ALKAL2: variants seen among roughly 807,000 people sequenced by gnomAD.
ALKAL2 encodes AUG-alpha.
A neutral mutation model predicts 18.5 loss-of-function variants in ALKAL2; 8 were observed. The observed-to-expected ratio is 0.43, with a 90% CI of 0.25 to 0.78. ALKAL2 has a LOEUF of 0.78. ALKAL2 is among the 30% of genes least tolerant of loss of function. ALKAL2 has a pLI of 0.22. For missense variants in ALKAL2, 241 were observed against 211.2 expected, an observed-to-expected ratio of 1.14 and a Z score of -0.88; for synonymous variants, 135 against 95.8, an observed-to-expected ratio of 1.41 and a Z score of -2.39.
At chr2:286,260 G>A (rs1558269463) in intron 3 of ALKAL2, 30 bp downstream of exon 3, 3 of 1,611,120 alleles carry the variant, frequency 1.9e-6, no homozygotes, top group African/African-American at 1.3e-5. Flanking sequence ...AGGAGCTCTG[G>A]GAGACGTGAG....
chr2:286,200 G>A lies in ALKAL2; in HGVS notation c.311C>T (p.Pro104Leu), dbSNP rs1330978933. 1.2e-6 allele frequency: 2 copies of A among 1,613,696 alleles called. No homozygotes were observed. Among genetic ancestry groups the A allele is most frequent in the African/African-American group, 2.7e-5 (2 of 74,914 alleles). The change falls in exon 4 of 6, where the codon CCT (proline) becomes CTT (leucine). Residue 104 changes from proline to leucine, a missense_variant. Pro to Leu is a moderately conservative substitution (Grantham distance 98). Coordinates refer to ENST00000403610, the MANE Select transcript of ALKAL2 (RefSeq NM_001002919.3). Reference protein sequence around the residue: ...KDKFLKHLTGPLYFSPKCSKH... With the variant: ...KDKFLKHLTGLLYFSPKCSKH... ...GCTGCACTTTGGACTAAAATAAAGA[G>A]GGCCTGGAACACGGAAGAAGAAACA...
intron 2 of ALKAL2, 92 bp downstream of exon 2, chr2:287,491 T>A: frequency 2.7e-6 from 2 of 739,646 alleles, no homozygotes; most frequent in Non-Finnish European, 3.8e-6. Flanking sequence ...TGTTCAGTGG[T>A]CAAAATTGAT....
At chr2:285,548 T>C (rs949401847) in intron 4 of ALKAL2, among the ~76,000 whole-genome samples, 19 of 152,158 alleles carry the variant, frequency 1.2e-4, no homozygotes, top group African/African-American at 4.3e-4. Flanking sequence ...TGTTTTGTTA[T>C]GAATAAATAG....
rs1014030063 is a variant in ALKAL2 at position 286,562 on chromosome 2, G to A, written c.254-219C>T. The A allele has an allele frequency of 3.6e-5, 18 of 502,040 alleles. No homozygotes were observed. The South Asian group carries it at 6.0e-4, about 17-fold the overall frequency. The allele number at this position is 502,040 out of a possible 1,614,324, so 31.1% of individuals were successfully genotyped here. A position where few individuals can be genotyped will look rare whatever the true frequency, so the allele number is the denominator to read the frequency against. Reference sequence around the variant, plus strand: ...TGAAATAACAGTAACTGCTCCTGAAGCTCCAGGATTATGTCGGCTGTCTAC... The same window carrying A: ...TGAAATAACAGTAACTGCTCCTGAAACTCCAGGATTATGTCGGCTGTCTAC... On this transcript the variant is annotated intron_variant, in intron 2 of 5. Coordinates refer to ENST00000403610, the MANE Select transcript of ALKAL2 (RefSeq NM_001002919.3).
At position 286,426 on chromosome 2, in the gene ALKAL2, T is replaced by C. The variant is rs373898213; in HGVS notation, c.254-83A>G. On this transcript the variant is annotated intron_variant, in intron 2 of 5. Transcript: ENST00000403610. ...GATCTTAAGTGAATGTTGAAGAAAA[T>C]TGGAGCTCCATATTAGCCAAGTTGC... 126 of 1,108,384 alleles carry C rather than the reference T, an allele frequency of 1.1e-4. 1 individual carries two copies. The East Asian group carries it at 1.6e-3, about 14-fold the overall frequency. 68.7% of individuals were successfully genotyped at this position (1,108,384 alleles called of 1,614,324 possible). A position where few individuals can be genotyped will look rare whatever the true frequency, so the allele number is the denominator to read the frequency against.
rs1160233296 is a variant in ALKAL2, at chr2:283,141, C to T, written c.423G>A (p.Leu141=). Residue 141 remains leucine, a synonymous_variant, in exon 5 of 6, where the codon CTG becomes CTA. Transcript: ENST00000403610. ...YKRCARLLTR[L]AVSPVCMEDK... ...CCTCCATGCACACTGGACTGACAGCCAGCCGGGTAAGAAGCCTGGCGCATC... is the reference window on the plus strand; with the variant it reads ...CCTCCATGCACACTGGACTGACAGCTAGCCGGGTAAGAAGCCTGGCGCATC... 1.2e-6 allele frequency: 2 copies of T among 1,613,218 alleles called. No homozygotes were observed. The highest frequency in any genetic ancestry group is 8.5e-7 in the Non-Finnish European group (1 of 1,179,646).
Position 283,136 on chromosome 2 carries a change from A to T in ALKAL2, c.428T>A (p.Val143Asp), listed in dbSNP as rs767220052. 15 of 1,613,166 alleles carry T rather than the reference A, an allele frequency of 9.3e-6. No individual in the cohort carries two copies. Among genetic ancestry groups the T allele is most frequent in the Non-Finnish European group, 1.3e-5 (15 of 1,179,616 alleles). Reference protein sequence around the residue: ...RCARLLTRLAVSPVCMEDKQ With the variant: ...RCARLLTRLADSPVCMEDKQ ...CTTATCCTCCATGCACACTGGACTG[A>T]CAGCCAGCCGGGTAAGAAGCCTGGC... is the stretch of plus-strand genomic sequence containing the variant. Residue 143 changes from valine to aspartate, a missense_variant, in exon 5 of 6, where the codon GTC becomes GAC. Coordinates refer to ENST00000403610, the MANE Select transcript of ALKAL2 (RefSeq NM_001002919.3).
rs758606109 is a variant in ALKAL2 at position 287,769 on chromosome 2, G to T, written c.67C>A (p.Arg23=). ...LLVLGAAGRG[R]GGAEPREPAD... ...GGCTCCCGGGGCTCCGCGCCCCCCC[G>T]GCCGCGCCCCGCCGCCCCCAGCACC... The change falls in exon 2 of 6, where the codon CGG becomes AGG. Residue 23 remains arginine, a synonymous_variant. Transcript: ENST00000403610. 15 of 1,422,528 alleles carry T rather than the reference G, an allele frequency of 1.1e-5. No homozygotes were observed. The South Asian group carries it at 1.8e-4, about 17-fold the overall frequency. 88.1% of individuals were successfully genotyped at this position (1,422,528 alleles called of 1,614,324 possible).
At position 287,695 on chromosome 2, in the gene ALKAL2, C is replaced by G; in HGVS notation, c.141G>C (p.Glu47Asp). Reference sequence around the variant, plus strand: ...GCTCCGCCGAGTGGTGCTTCCGCAGCTCCTGGACGAGTTCCACCACCAGCC... The same window carrying G: ...GCTCCGCCGAGTGGTGCTTCCGCAGGTCCTGGACGAGTTCCACCACCAGCC... The part of the protein sequence containing the change: ...LLRLVVELVQ[E>D]LRKHHSAEHK... The change falls in exon 2 of 6, where the codon GAG becomes GAC. Residue 47 changes from glutamate to aspartate, a missense_variant. By Grantham distance (45) the Glu-to-Asp change is conservative. Coordinates refer to ENST00000403610, the MANE Select transcript of ALKAL2 (RefSeq NM_001002919.3). 1 of 1,479,888 alleles carries G rather than the reference C, an allele frequency of 6.8e-7. No homozygotes were observed. Among genetic ancestry groups the G allele is most frequent in the Non-Finnish European group, 8.9e-7 (1 of 1,121,570 alleles). 91.7% of individuals were successfully genotyped at this position (1,479,888 alleles called of 1,614,324 possible). A position where few individuals can be genotyped will look rare whatever the true frequency, so the allele number is the denominator to read the frequency against.
chr2:285,471 G>A (rs17714252), intron 4 of ALKAL2, among the ~76,000 whole-genome samples: 46,869 of 151,936 alleles, frequency 0.31, 7,391 homozygotes, highest in Non-Finnish European at 0.34. Context: ...AATGGGTTAG[G>A]GCCCTATCAC....
In ALKAL2 at chr2:288,027, AG is replaced by A; in HGVS notation, c.-73del. The A allele has an allele frequency of 8.2e-7, 1 of 1,222,326 alleles. No homozygotes were observed. 75.7% of individuals were successfully genotyped at this position (1,222,326 alleles called of 1,614,324 possible). On this transcript the variant is annotated 5_prime_UTR_variant, in exon 1 of 6. Coordinates refer to ENST00000403610, the MANE Select transcript of ALKAL2 (RefSeq NM_001002919.3). Reference sequence around the variant, plus strand: ...CGGCCCCTCACCTCCGCGGACCCCGAGGAACAAGCCGGCAGGTGAGGGAGCC... The same window carrying A: ...CGGCCCCTCACCTCCGCGGACCCCGAGAACAAGCCGGCAGGTGAGGGAGCC...
Position 279,865 on chromosome 2 carries a change from A to G in ALKAL2, c.*282T>C, listed in dbSNP as rs1006202900. On this transcript the variant is annotated 3_prime_UTR_variant, in exon 6 of 6. Coordinates refer to ENST00000403610, the MANE Select transcript of ALKAL2 (RefSeq NM_001002919.3). ...GCGATTTCACCTAATGAAGACAATG[A>G]AATATTCTGTGTTTTATAGCACTAC... The G allele has an allele frequency of 7.6e-6, 3 of 394,690 alleles. No homozygotes were observed. Among genetic ancestry groups the G allele is most frequent in the Admixed American group, 4.0e-5 (1 of 24,956 alleles). 24.4% of individuals were successfully genotyped at this position (394,690 alleles called of 1,614,324 possible).
intron 1 of ALKAL2, 45 bp from the exon 2 acceptor site, chr2:287,937 G>A: frequency 8.1e-7 from 1 of 1,235,258 alleles, no homozygotes; most frequent in Non-Finnish European, 1.0e-6. Flanking sequence ...AGTCAGCGGG[G>A]GAGGGGGACG....
At chr2:287,324 T>C (rs1670547818) in intron 2 of ALKAL2, 1 of 366,396 alleles carries the variant, frequency 2.7e-6, no homozygotes. Context: ...ATTTCCAAAG[T>C]GACGGTTGAC....
rs371886356 is a variant in ALKAL2, at chr2:283,937, T to C, written c.389-762A>G. On this transcript the variant is annotated intron_variant, in intron 4 of 5. Transcript: ENST00000403610. The stretch of plus-strand genomic sequence containing the variant: ...GGGTAGATTGACAATGACAAATGTG[T>C]ACGATATGTTAGTTAAGGAGCCAGC... Among the ~76,000 whole-genome samples the C allele has an allele frequency of 3.5e-4, 54 of 152,336 alleles. 2 individuals are homozygous for C. The South Asian group carries it at 0.011, about 31-fold the overall frequency.
intron 5 of ALKAL2, 101 bp downstream of exon 5, chr2:283,010 A>G (rs1289927321): frequency 8.1e-7 from 1 of 1,237,374 alleles, no homozygotes; most frequent in Non-Finnish European, 1.1e-6. Flanking sequence ...TGGCTACTTC[A>G]GCCAAAGAAT....
At chr2:281,791 T>A (rs957368997) in intron 5 of ALKAL2, among the ~76,000 whole-genome samples, 102 of 136,838 alleles carry the variant, frequency 7.5e-4, no homozygotes, top group Non-Finnish European at 1.3e-3. Flanking sequence ...AAGAAATACC[T>A]AAAAAAAAAA....
chr2:283,240 C>G, intron 4 of ALKAL2, 65 bp from the exon 5 acceptor site: 1 of 1,335,432 alleles, frequency 7.5e-7, no homozygotes, highest in Non-Finnish European at 1.0e-6. Flanking sequence ...CATTTTTTTG[C>G]AAGTATATCA....
At chr2:286,248 A>T in intron 3 of ALKAL2, 42 bp downstream of exon 3, 1 of 1,611,342 alleles carries the variant, frequency 6.2e-7, no homozygotes, top group South Asian at 1.1e-5. Context: ...TCACAGGTGA[A>T]AAGGAGCTCT....
Sources: gnomAD v4.1 joint callset for allele counts (sites outside exome capture counted in the v4.1 genomes callset) on GRCh38, gnomAD v4.1.1 for gene constraint, MANE v1.5 for transcripts, NCBI Gene and HGNC (gene_info 2026-07-23, HGNC 2026-07-21) for gene names.